MRI1: variants seen among roughly 807,000 people sequenced by gnomAD.
The protein encoded by MRI1 is methylthioribose-1-phosphate isomerase.
Under a neutral mutation model 27.3 loss-of-function variants are expected in MRI1, and 32 were observed. That is an observed-to-expected ratio of 1.17 (90% CI 0.88 to 1.57). MRI1 has a LOEUF of 1.57. Among genes scored for constraint, MRI1 ranks in the 40% most tolerant of loss-of-function variants. The probability of loss-of-function intolerance (pLI) is 0.00; values close to 1 mark genes in which losing one functional copy is unlikely to be tolerated. For synonymous variants in MRI1, 216 were observed against 227.4 expected (o/e 0.95, Z 0.45); for missense variants, 508 against 516.1 (o/e 0.98, Z 0.15).
chr19:13,767,742 A>G (rs1367642116), intron 3 of MRI1, among the ~76,000 whole-genome samples: 1 of 149,216 alleles, frequency 6.7e-6, no homozygotes, highest in Non-Finnish European at 1.5e-5. Context: ...TTATTTATTT[A>G]TTTTGGAGAC....
Position 13,772,329 on chromosome 19 carries a change from T to C in MRI1, c.*48T>C. The C allele has an allele frequency of 6.4e-7, 1 of 1,566,560 alleles. No individual in the cohort carries two copies. The highest frequency in any genetic ancestry group is 8.7e-7 in the Non-Finnish European group (1 of 1,150,250). On this transcript the variant is annotated 3_prime_UTR_variant, in exon 6 of 6. Transcript: ENST00000040663. ...GCCTCTCTAGGTTTTTCAATACATT[T>C]CTTGAATGGCTACCCAAAAGCTGAC...
chr19:13,774,047 T>G lies in MRI1; in HGVS notation c.*1766T>G, dbSNP rs537702629. 1.2e-5 allele frequency: 2 copies of G among 160,280 alleles called. No individual in the cohort carries two copies. The highest frequency in any genetic ancestry group is 3.4e-4 in the South Asian group (2 of 5,920). The allele number at this position is 160,280 out of a possible 1,614,324, so 9.9% of individuals were successfully genotyped here. A position where few individuals can be genotyped will look rare whatever the true frequency, so the allele number is the denominator to read the frequency against. ...CACTAAAACTTTATTTACAAAATTATGCTGCCGGTCTGCAGGATGTAGTTT... is the reference window on the plus strand; with the variant it reads ...CACTAAAACTTTATTTACAAAATTAGGCTGCCGGTCTGCAGGATGTAGTTT... On this transcript the variant is annotated 3_prime_UTR_variant, in exon 6 of 6. Transcript: ENST00000040663.
chr19:13,768,648 C>A lies in MRI1; in HGVS notation c.635C>A (p.Thr212Lys). The change falls in exon 4 of 6, where the codon ACG becomes AAG. Residue 212 changes from threonine (T) to lysine (K), a missense_variant. Around this residue, in one of 3 missense-constraint regions of MRI1, gnomAD observed 457 missense variants for 452.8 expected, o/e 1.01. Coordinates refer to ENST00000040663, the MANE Select transcript of MRI1 (RefSeq NM_001031727.4). The stretch of plus-strand genomic sequence containing the variant: ...CCCTACAACCAGGGAGCCCGGCTGA[C>A]GGCCTTTGAGCTGGTCTATGAGCAG... ...TRPYNQGARL[T>K]AFELVYEQIP... is the part of the protein sequence containing the mutation. 1 of 1,613,860 alleles carries A rather than the reference C, an allele frequency of 6.2e-7. No individual in the cohort carries two copies. Among genetic ancestry groups the A allele is most frequent in the Non-Finnish European group, 8.5e-7 (1 of 1,179,956 alleles).
chr19:13,769,056 G>T lies in MRI1; in HGVS notation c.949+8G>T, dbSNP rs764857671. ...TCCGGATTGCAGCACCTGGTAAGCT[G>T]CCCCCTCAGAAAGGGGACACCCCAG... is the stretch of plus-strand genomic sequence containing the variant. On this transcript the variant is annotated splice_region_variant and intron_variant, in intron 5 of 5. Transcript: ENST00000040663. 6.3e-7 allele frequency: 1 copy of T among 1,596,154 alleles called. No homozygotes were observed. The highest frequency in any genetic ancestry group is 1.3e-5 in the African/African-American group (1 of 74,644).
In MRI1 at chr19:13,768,836, G is replaced by T. The variant is rs373206969; in HGVS notation, c.737G>T (p.Gly246Val). The change falls in exon 5 of 6, where the codon GGA (glycine) becomes GTA (valine). Residue 246 changes from glycine to valine, a missense_variant. Gly to Val is a moderately radical substitution (Grantham distance 109). Around this residue, in one of 3 missense-constraint regions of MRI1, gnomAD observed 457 missense variants for 452.8 expected, o/e 1.01. Transcript: ENST00000040663. ...AHRGVSAVVV[G>V]ADRVVANGDT... is the part of the protein sequence containing the mutation. ...GCCCCCTCCCCAGCTGTGGTCGTGG[G>T]AGCTGACCGCGTGGTTGCCAACGGC... The T allele has an allele frequency of 1.2e-6, 2 of 1,608,116 alleles. No individual in the cohort carries two copies. Among genetic ancestry groups the T allele is most frequent in the Non-Finnish European group, 1.7e-6 (2 of 1,176,048 alleles).
chr19:13,769,577 G>C (rs1974227013), intron 5 of MRI1, among the ~76,000 whole-genome samples: 1 of 152,036 alleles, frequency 6.6e-6, no homozygotes, highest in South Asian at 2.1e-4. Context: ...TCTCCACTTA[G>C]GTTTTCTTAA....
chr19:13,767,937 C>T (rs186950650), intron 3 of MRI1, among the ~76,000 whole-genome samples: 142 of 141,440 alleles, frequency 1.0e-3, no homozygotes, highest in African/African-American at 3.5e-3. Flanking sequence ...GGCGCAGTCT[C>T]GGCTCACTGC....
rs558917534 is a variant in MRI1, at chr19:13,768,232, T to A, written c.548-329T>A. ...GAACCCATAGAAAAGGGGGGCTGCC[T>A]GTACACATGAGGTGTTAGAAGGTGA... On this transcript the variant is annotated intron_variant, in intron 3 of 5. Transcript: ENST00000040663. 16 of 692,952 alleles carry A rather than the reference T, an allele frequency of 2.3e-5. No individual in the cohort carries two copies. In the Admixed American group the frequency reaches 3.2e-4, roughly 14 times the overall value. 42.9% of individuals were successfully genotyped at this position (692,952 alleles called of 1,614,324 possible).
rs754822247 is a variant in MRI1, at chr19:13,773,249, C to A, written c.*968C>A. The A allele has an allele frequency of 6.6e-6, 1 of 152,096 alleles. No individual in the cohort carries two copies. Among genetic ancestry groups the A allele is most frequent in the Non-Finnish European group, 1.5e-5 (1 of 68,014 alleles). 9.4% of individuals were successfully genotyped at this position (152,096 alleles called of 1,614,324 possible). ...GTCTCGAACTCCTGACTCAAATGATCCCCCTGCCTCAGCCTCCCAAAGTGC... is the reference window on the plus strand; with the variant it reads ...GTCTCGAACTCCTGACTCAAATGATACCCCTGCCTCAGCCTCCCAAAGTGC... On this transcript the variant is annotated 3_prime_UTR_variant, in exon 6 of 6. Coordinates refer to ENST00000040663, the MANE Select transcript of MRI1 (RefSeq NM_001031727.4).
Position 13,768,834 on chromosome 19 carries a change from G to GGGA in MRI1, c.737_739dup (p.Gly246dup). 1.2e-6 allele frequency: 2 copies of GGGA among 1,607,186 alleles called. No individual in the cohort carries two copies. Among genetic ancestry groups the GGGA allele is most frequent in the Non-Finnish European group, 1.7e-6 (2 of 1,175,362 alleles). On this transcript the variant is annotated inframe_insertion, in exon 5 of 6. Transcript: ENST00000040663. ...ACGCCCCCTCCCCAGCTGTGGTCGT[G>GGGA]GGAGCTGACCGCGTGGTTGCCAACG...
chr19:13,765,338 C>T (rs1029167049), intron 2 of MRI1, among the ~76,000 whole-genome samples: 3 of 152,178 alleles, frequency 2.0e-5, no homozygotes, highest in African/African-American at 7.2e-5. Context: ...TGAAACCTAA[C>T]TCCTTAATCG....
In MRI1 at chr19:13,766,103, C is replaced by T. The variant is rs1208063024; in HGVS notation, c.521C>T (p.Ala174Val). ...VLTHCNTGAL[A>V]TAGYGTALGV... is the part of the protein sequence containing the mutation. The stretch of plus-strand genomic sequence containing the variant: ...ACCCACTGTAACACTGGTGCTCTGG[C>T]CACCGCTGGCTATGGTACAGCCCTA... The change falls in exon 3 of 6, where the codon GCC becomes GTC. Residue 174 changes from alanine (A) to valine (V), a missense_variant. Around this residue, in one of 3 missense-constraint regions of MRI1, gnomAD observed 457 missense variants for 452.8 expected, o/e 1.01. Transcript: ENST00000040663. 6.2e-7 allele frequency: 1 copy of T among 1,601,108 alleles called. No individual in the cohort carries two copies. The highest frequency in any genetic ancestry group is 8.5e-7 in the Non-Finnish European group (1 of 1,172,202).
intron 2 of MRI1, among the ~76,000 whole-genome samples, chr19:13,765,313 T>C (rs1974098441): frequency 6.6e-6 from 1 of 152,116 alleles, no homozygotes; most frequent in Non-Finnish European, 1.5e-5. Context: ...GAGTCTAGCC[T>C]GGGCAGCCTG....
chr19:13,769,896 G>A (rs1218587215), intron 5 of MRI1, among the ~76,000 whole-genome samples: 1 of 151,738 alleles, frequency 6.6e-6, no homozygotes. Flanking sequence ...CTCCAGCCTG[G>A]GCAACAGAGT....
In MRI1 at chr19:13,768,820, C is replaced by T. The variant is rs748122080; in HGVS notation, c.725-4C>T. 2.5e-6 allele frequency: 4 copies of T among 1,601,834 alleles called. No individual in the cohort carries two copies. Among genetic ancestry groups the T allele is most frequent in the Non-Finnish European group, 3.4e-6 (4 of 1,171,828 alleles). On this transcript the variant is annotated splice_region_variant and splice_polypyrimidine_tract_variant and intron_variant, in intron 4 of 5. Coordinates refer to ENST00000040663, the MANE Select transcript of MRI1 (RefSeq NM_001031727.4). ...CCCCAACTTCTCATACGCCCCCTCC[C>T]CAGCTGTGGTCGTGGGAGCTGACCG...
At position 13,772,147 on chromosome 19, in the gene MRI1, G is replaced by T; in HGVS notation, c.976G>T (p.Asp326Tyr). ...PGIGVWNPAFDVTPHDLITGG... is the reference protein window; with the variant it reads ...PGIGVWNPAFYVTPHDLITGG... Reference sequence around the variant, plus strand: ...GATTGGAGTTTGGAATCCTGCCTTCGATGTCACCCCCCACGACCTCATCAC... The same window carrying T: ...GATTGGAGTTTGGAATCCTGCCTTCTATGTCACCCCCCACGACCTCATCAC... The change falls in exon 6 of 6, where the codon GAT (aspartate) becomes TAT (tyrosine). Residue 326 changes from aspartate (D) to tyrosine (Y), a missense_variant. Asp to Tyr is a radical substitution (Grantham distance 160, BLOSUM62 -3). Around this residue, in one of 3 missense-constraint regions of MRI1, gnomAD observed 457 missense variants for 452.8 expected, o/e 1.01. Coordinates refer to ENST00000040663, the MANE Select transcript of MRI1 (RefSeq NM_001031727.4). 1 of 1,613,142 alleles carries T rather than the reference G, an allele frequency of 6.2e-7. No individual in the cohort carries two copies. The highest frequency in any genetic ancestry group is 8.5e-7 in the Non-Finnish European group (1 of 1,179,632).
chr19:13,772,382 T>C lies in MRI1; in HGVS notation c.*101T>C. On this transcript the variant is annotated 3_prime_UTR_variant, in exon 6 of 6. Transcript: ENST00000040663. ...TCCAGCCCCTGACCACACTTGTTCC[T>C]AGTGCAGGGAGCTCAGACAGGGCCT... 1 of 1,187,338 alleles carries C rather than the reference T, an allele frequency of 8.4e-7. No individual in the cohort carries two copies. Among genetic ancestry groups the C allele is most frequent in the Non-Finnish European group, 1.2e-6 (1 of 853,784 alleles). The allele number at this position is 1,187,338 out of a possible 1,614,324, so 73.6% of individuals were successfully genotyped here.
intron 5 of MRI1, 126 bp from the exon 6 acceptor site, chr19:13,771,995 A>G: frequency 2.4e-6 from 2 of 840,550 alleles, no homozygotes; most frequent in Non-Finnish European, 3.7e-6. Context: ...TTTTGGGGTG[A>G]GAATCCTCAG....
chr19:13,765,256 C>A, intron 2 of MRI1, 147 bp downstream of exon 2: 1 of 611,682 alleles, frequency 1.6e-6, no homozygotes, highest in Non-Finnish European at 2.5e-6. Context: ...GAGACTGAGG[C>A]ACGGCGACCT....
Sources: gnomAD v4.1 joint callset for allele counts (sites outside exome capture counted in the v4.1 genomes callset) on GRCh38, gnomAD v4.1.1 for gene constraint, gnomAD v4.1.1 regional missense constraint, MANE v1.5 for transcripts, NCBI Gene and HGNC (gene_info 2026-07-23, HGNC 2026-07-21) for gene names.